The following SGCA variants were observed in gnomAD, a reference collection of about 807,000 sequenced individuals.
SGCA encodes the protein alpha-sarcoglycan.
SGCA carries 34 observed loss-of-function variants against 38.1 expected under a neutral mutation model. The observed-to-expected ratio is 0.89, with a 90% confidence interval of 0.68 to 1.19. The LOEUF (loss-of-function observed/expected upper bound fraction) is 1.19. SGCA is among the 50% of genes most tolerant of loss of function. The pLI is 0.00. For missense variants in SGCA, 476 were observed against 524.9 expected (o/e 0.91, Z 0.91); for synonymous variants, 209 against 214.6 (o/e 0.97, Z 0.23).
At chr17:50,168,115 G>A (rs1341260204) in intron 4 of SGCA, 96 bp downstream of exon 4, 11 of 1,206,324 alleles carry the variant, frequency 9.1e-6, no homozygotes, top group Non-Finnish European at 1.4e-5. Flanking sequence ...GAGGCTTGGA[G>A]AGGAGTGGAG....
chr17:50,168,990 G>A, intron 5 of SGCA, 102 bp from the exon 6 acceptor site: 1 of 1,082,810 alleles, frequency 9.2e-7, no homozygotes, highest in Non-Finnish European at 1.4e-6. Flanking sequence ...CCCATCCCCA[G>A]GTCATAGCCT....
Position 50,170,645 on chromosome 17 carries a change from A to G in SGCA, c.962A>G (p.Lys321Arg), listed in dbSNP as rs1598271332. Residue 321 changes from lysine (K) to arginine (R), a missense_variant, in exon 8 of 10, where the codon AAG becomes AGG. Lys to Arg is a conservative substitution (Grantham distance 26). Coordinates refer to ENST00000262018, the MANE Select transcript of SGCA (RefSeq NM_000023.4). Reference sequence around the variant, plus strand: ...TCTCCTTCACTTTTCCACAGGCTGAAGAGAGACCTGGCTACCTCCGAGTGA... The same window carrying G: ...TCTCCTTCACTTTTCCACAGGCTGAGGAGAGACCTGGCTACCTCCGAGTGA... ...VMCCRREGRL[K>R]RDLATSDIQM... is the part of the protein sequence containing the mutation. 1.3e-6 allele frequency: 2 copies of G among 1,561,500 alleles called. No homozygotes were observed. Among genetic ancestry groups the G allele is most frequent in the Non-Finnish European group, 1.7e-6 (2 of 1,151,488 alleles).
chr17:50,167,485 T>G lies in SGCA; in HGVS notation c.155T>G (p.Val52Gly), dbSNP rs148132791. Residue 52 changes from valine to glycine, a missense_variant and splice_region_variant, in exon 2 of 10, where the codon GTC (valine) becomes GGC (glycine). By Grantham distance (109) the Val-to-Gly change is moderately radical. Transcript: ENST00000262018. The surrounding 1 kb of genome is among the most constrained non-coding windows in gnomAD (Gnocchi z 4.5). ...HETFLSLPEH[V>G]AVPPAVHITY... is the part of the protein sequence containing the mutation. ...ACGTTTCTGAGCCTTCCTGAGCATG[T>G]CGGTGAGCGGCCTGACAGGCACCCA... 7.7e-5 allele frequency: 125 copies of G among 1,614,054 alleles called. No individual in the cohort carries two copies. The highest frequency in any genetic ancestry group is 1.0e-4 in the Non-Finnish European group (119 of 1,180,016).
intron 7 of SGCA, 75 bp from the exon 8 acceptor site, chr17:50,170,565 A>T (rs1475840266): frequency 6.8e-7 from 1 of 1,474,682 alleles, no homozygotes; most frequent in East Asian, 2.5e-5. Context: ...ACAGACCTCC[A>T]CTCACATTGG....
chr17:50,170,132 T>A lies in SGCA; in HGVS notation c.748-11T>A. On this transcript the variant is annotated splice_polypyrimidine_tract_variant and intron_variant, in intron 6 of 9. Transcript: ENST00000262018. Reference sequence around the variant, plus strand: ...GCCACTTCCTGCGTCAGCCCTGAGCTCTCTGTGCAGGTGGATAAGTCAGTG... The same window carrying A: ...GCCACTTCCTGCGTCAGCCCTGAGCACTCTGTGCAGGTGGATAAGTCAGTG... 2 of 1,613,076 alleles carry A rather than the reference T, an allele frequency of 1.2e-6. No homozygotes were observed. The highest frequency in any genetic ancestry group is 1.7e-6 in the Non-Finnish European group (2 of 1,179,220).
At chr17:50,172,219 T>C (rs1302539586) in intron 8 of SGCA, 1 of 457,086 alleles carries the variant, frequency 2.2e-6, no homozygotes, top group East Asian at 7.0e-5. Context: ...CACCCACGGC[T>C]GGCCTCCACA....
Position 50,167,801 on chromosome 17 carries a change from A to G in SGCA, c.312+65A>G, listed in dbSNP as rs1275947022. The G allele has an allele frequency of 1.3e-5, 20 of 1,581,112 alleles. No homozygotes were observed. Among genetic ancestry groups the G allele is most frequent in the Middle Eastern group, 1.7e-4 (1 of 5,992 alleles). ...AGAGTGGCCTCCTAGGAGCAGCCCT[A>G]TGAATTGGGATTGGGTGCTCATTCA... On this transcript the variant is annotated intron_variant, in intron 3 of 9. Transcript: ENST00000262018. The surrounding 1 kb of genome is among the most constrained non-coding windows in gnomAD (Gnocchi z 4.5).
intron 1 of SGCA, among the ~76,000 whole-genome samples, chr17:50,166,763 A>ACACACACCCT (rs199620528): frequency 1.1e-5 from 1 of 91,952 alleles, no homozygotes; most frequent in South Asian, 4.2e-4. Flanking sequence ...ACACCCTCAC[A>ACACACACCCT]CACACACCCT....
At position 50,168,430 on chromosome 17, in the gene SGCA, G is replaced by T; in HGVS notation, c.442G>T (p.Val148Leu). 6.3e-7 allele frequency: 1 copy of T among 1,591,582 alleles called. No individual in the cohort carries two copies. The highest frequency in any genetic ancestry group is 8.6e-7 in the Non-Finnish European group (1 of 1,169,128). The stretch of plus-strand genomic sequence containing the variant: ...GGTGCGCAGCCACGATGCGGAGGAG[G>T]TGCTGCCCTCAACACCTGCCAGCCG... The part of the protein sequence containing the change: ...FLVRSHDAEE[V>L]LPSTPASRFL... The change falls in exon 5 of 10, where the codon GTG (valine) becomes TTG (leucine). Residue 148 changes from valine (V) to leucine (L), a missense_variant. Val to Leu is a conservative substitution (Grantham distance 32, BLOSUM62 1). Coordinates refer to ENST00000262018, the MANE Select transcript of SGCA (RefSeq NM_000023.4).
rs536244332 is a variant in SGCA, at chr17:50,167,873, C to T, written c.313-74C>T. On this transcript the variant is annotated intron_variant, in intron 3 of 9. Coordinates refer to ENST00000262018, the MANE Select transcript of SGCA (RefSeq NM_000023.4). The surrounding 1 kb of genome is among the most constrained non-coding windows in gnomAD (Gnocchi z 4.5). ...CATACCTCTAATTTGGTATCTGAGT[C>T]CTCTCCTGCCAGGCCCCCGCTGTGC... 6.5e-7 allele frequency: 1 copy of T among 1,535,376 alleles called. No homozygotes were observed. Among genetic ancestry groups the T allele is most frequent in the South Asian group, 1.1e-5 (1 of 89,540 alleles).
Position 50,169,215 on chromosome 17 carries a change from G to C in SGCA, c.708G>C (p.Leu236Phe), listed in dbSNP as rs1483510494. The change falls in exon 6 of 10, where the codon TTG becomes TTC. Residue 236 changes from leucine to phenylalanine, a missense_variant. Coordinates refer to ENST00000262018, the MANE Select transcript of SGCA (RefSeq NM_000023.4). Reference protein sequence around the residue: ...QPPLLSCYDTLAPHFRVDWCN... With the variant: ...QPPLLSCYDTFAPHFRVDWCN... The stretch of plus-strand genomic sequence containing the variant: ...CACTTCTGTCTTGCTACGACACCTT[G>C]GCACCCCACTTCCGCGTTGACTGGT... 49 of 1,613,826 alleles carry C rather than the reference G, an allele frequency of 3.0e-5. No individual in the cohort carries two copies. Among genetic ancestry groups the C allele is most frequent in the Non-Finnish European group, 4.2e-5 (49 of 1,179,946 alleles).
At chr17:50,171,812 T>A (rs1328824863) in intron 8 of SGCA, 1 of 456,790 alleles carries the variant, frequency 2.2e-6, no homozygotes, top group Non-Finnish European at 4.4e-6. Flanking sequence ...AACAGCCTTC[T>A]TCAGGGTGGC....
chr17:50,167,330 G>T lies in SGCA; in HGVS notation c.38-38G>T. The T allele has an allele frequency of 6.2e-7, 1 of 1,613,754 alleles. No homozygotes were observed. ...AGCTTATCCCCTGCCCAGGACTGAG[G>T]CTGGCCTGTGTGTTTGGGACTTGTG... is the stretch of plus-strand genomic sequence containing the variant. On this transcript the variant is annotated intron_variant, in intron 1 of 9. Transcript: ENST00000262018. This position sits in a 1 kb window ranked among gnomAD's most constrained non-coding sequence, Gnocchi z 4.5.
Position 50,167,643 on chromosome 17 carries a change from C to T in SGCA, c.219C>T (p.Pro73=). The change falls in exon 3 of 10, where the codon CCC becomes CCT. Residue 73 remains proline (P), a synonymous_variant. Coordinates refer to ENST00000262018, the MANE Select transcript of SGCA (RefSeq NM_000023.4). The surrounding 1 kb of genome is among the most constrained non-coding windows in gnomAD (Gnocchi z 4.5). ...ACCTCCAGGGACACCCAGACCTGCCCCGGTGGCTCCGCTACACCCAGCGCA... is the reference window on the plus strand; with the variant it reads ...ACCTCCAGGGACACCCAGACCTGCCTCGGTGGCTCCGCTACACCCAGCGCA... ...HAHLQGHPDL[P]RWLRYTQRSP... is the part of the protein sequence containing the mutation. The T allele has an allele frequency of 6.2e-7, 1 of 1,613,936 alleles. No homozygotes were observed. Among genetic ancestry groups the T allele is most frequent in the Non-Finnish European group, 8.5e-7 (1 of 1,179,992 alleles).
chr17:50,170,513 C>T, intron 7 of SGCA, 127 bp from the exon 8 acceptor site: 1 of 1,334,642 alleles, frequency 7.5e-7, no homozygotes, highest in Non-Finnish European at 1.1e-6. Context: ...GGCTTGAGAC[C>T]TGCCTGGCCT....
At chr17:50,166,582 GGCC>G (rs1196335917) in intron 1 of SGCA, among the ~76,000 whole-genome samples, 54 of 151,764 alleles carry the variant, frequency 3.6e-4, no homozygotes, top group African/African-American at 1.3e-3. Context: ...GTAGGCTCCT[GGCC>G]CCGTCTTCCT....
At chr17:50,168,708 A>G (rs1288884354) in intron 5 of SGCA, 136 bp downstream of exon 5, 1 of 785,390 alleles carries the variant, frequency 1.3e-6, no homozygotes, top group African/African-American at 1.7e-5. Flanking sequence ...ACCCCTCACC[A>G]CTCTCCTCTG....
chr17:50,172,349 G>A (rs772037672), intron 8 of SGCA: 16 of 448,926 alleles, frequency 3.6e-5, no homozygotes, highest in South Asian at 1.4e-4. Flanking sequence ...GTGGACCGGA[G>A]ATGCCAGATG....
Position 50,175,926 on chromosome 17 carries a change from G to C in SGCA, c.*227G>C, listed in dbSNP as rs886053138. 1 of 438,798 alleles carries C rather than the reference G, an allele frequency of 2.3e-6. No homozygotes were observed. Among genetic ancestry groups the C allele is most frequent in the East Asian group, 7.0e-5 (1 of 14,284 alleles). The allele number at this position is 438,798 out of a possible 1,614,324, so 27.2% of individuals were successfully genotyped here. A position where few individuals can be genotyped will look rare whatever the true frequency, so the allele number is the denominator to read the frequency against. ...CCAATTGCTGCTGGCAGCCTCTCCCGTCCTCACTGGCTCTGTTTCCCTTTG... is the reference window on the plus strand; with the variant it reads ...CCAATTGCTGCTGGCAGCCTCTCCCCTCCTCACTGGCTCTGTTTCCCTTTG... On this transcript the variant is annotated 3_prime_UTR_variant, in exon 10 of 10. Transcript: ENST00000262018.
Sources: gnomAD v4.1 joint callset for allele counts (sites outside exome capture counted in the v4.1 genomes callset) on GRCh38, gnomAD v4.1.1 for gene constraint, Gnocchi (gnomAD v3.1) non-coding constraint, MANE v1.5 for transcripts, NCBI Gene and HGNC (gene_info 2026-07-23, HGNC 2026-07-21) for gene names.